ZBTB38: variants seen among roughly 807,000 people sequenced by gnomAD.
The protein encoded by ZBTB38 is zinc finger and BTB domain-containing protein 38.
Under a neutral mutation model 76.8 loss-of-function variants are expected in ZBTB38, and 20 were observed. That is an observed-to-expected ratio of 0.26 (90% confidence interval 0.18 to 0.38). The LOEUF (loss-of-function observed/expected upper bound fraction) is 0.38, where lower values mean the gene tolerates loss of function less well. ZBTB38 is among the 10% of genes least tolerant of loss of function. The pLI, the probability that ZBTB38 is intolerant of heterozygous loss-of-function variation, is 1.00. For synonymous variants in ZBTB38, 504 were observed against 544.2 expected, an observed-to-expected ratio of 0.93 and a Z score of 1.03; for missense variants, 1,082 against 1,482.3, an observed-to-expected ratio of 0.73 and a Z score of 4.43.
intron 1 of ZBTB38, among the ~76,000 whole-genome samples, chr3:141,342,700 A>G (rs1049794171): frequency 1.3e-5 from 2 of 148,848 alleles, no homozygotes; most frequent in African/African-American, 2.5e-5. Flanking sequence ...TAAAAAAACT[A>G]GAGAGGGCAA....
At chr3:141,378,836 C>T (rs1945785598) in intron 2 of ZBTB38, among the ~76,000 whole-genome samples, 1 of 152,216 alleles carries the variant, frequency 6.6e-6, no homozygotes, top group Non-Finnish European at 1.5e-5. Flanking sequence ...GAGACCATAA[C>T]TTCAAAGCTA....
At chr3:141,388,250 C>G (rs1947734375) in intron 4 of ZBTB38, 1 of 151,964 alleles carries the variant, frequency 6.6e-6, no homozygotes, top group Admixed American at 6.6e-5. Flanking sequence ...AGAGCGTAAA[C>G]AAGCTTAATA....
chr3:141,424,922 T>C (rs1049795529), intron 5 of ZBTB38, among the ~76,000 whole-genome samples: 2 of 152,252 alleles, frequency 1.3e-5, no homozygotes, highest in African/African-American at 4.8e-5. Flanking sequence ...TAATAGCTAA[T>C]GTTTATGAAG....
intron 5 of ZBTB38, among the ~76,000 whole-genome samples, chr3:141,407,223 G>C (rs1226387989): frequency 6.6e-6 from 1 of 152,210 alleles, no homozygotes; most frequent in African/African-American, 2.4e-5. Flanking sequence ...ACATGTGCGT[G>C]TCTGCGCATT....
intron 1 of ZBTB38, among the ~76,000 whole-genome samples, chr3:141,348,362 T>G (rs1943425013): frequency 2.6e-5 from 4 of 152,240 alleles, no homozygotes; most frequent in African/African-American, 7.2e-5. Context: ...AATAGTGCCA[T>G]GGAGGAATTA....
In ZBTB38 at chr3:141,446,185, A is replaced by G. The variant is rs986306321; in HGVS notation, c.*209A>G. The G allele has an allele frequency of 1.0e-5, 4 of 398,130 alleles. No homozygotes were observed. The highest frequency in any genetic ancestry group is 1.8e-5 in the Non-Finnish European group (4 of 228,414). 24.7% of individuals were successfully genotyped at this position (398,130 alleles called of 1,614,324 possible). On this transcript the variant is annotated 3_prime_UTR_variant, in exon 6 of 6. Transcript: ENST00000321464. ...TATGCAAAGTGCACAAAAACAAAAT[A>G]GCTGACTCCTCCAATATCCCAAGTT...
intron 4 of ZBTB38, among the ~76,000 whole-genome samples, chr3:141,401,517 G>T: frequency 6.6e-6 from 1 of 151,976 alleles, no homozygotes; most frequent in East Asian, 1.9e-4. Flanking sequence ...TTAAAACATG[G>T]TCAGGAACTG....
At position 141,445,293 on chromosome 3, in the gene ZBTB38, A is replaced by G; in HGVS notation, c.2905A>G (p.Lys969Glu). ...CGCCGTGGGGAAGGCTCCTCAGGAT[A>G]AACCCTTTGAGGAAGAAGAAACTAA... The part of the protein sequence containing the change: ...DCAVGKAPQD[K>E]PFEEEETKEM... Residue 969 changes from lysine (K) to glutamate (E), a missense_variant, in exon 6 of 6, where the codon AAA (lysine) becomes GAA (glutamate). This residue lies in a region of ZBTB38 where 471 missense variants were observed against 581.0 expected (regional missense o/e 0.81). Coordinates refer to ENST00000321464, the MANE Select transcript of ZBTB38 (RefSeq NM_001376113.1). The surrounding 1 kb of genome is among the most constrained non-coding windows in gnomAD (Gnocchi z 6.5). The G allele has an allele frequency of 3.1e-6, 5 of 1,614,206 alleles. No individual in the cohort carries two copies. The highest frequency in any genetic ancestry group is 4.2e-6 in the Non-Finnish European group (5 of 1,180,040).
At chr3:141,333,516 G>A (rs550874697) in intron 1 of ZBTB38, among the ~76,000 whole-genome samples, 32 of 152,272 alleles carry the variant, frequency 2.1e-4, no homozygotes, top group African/African-American at 7.7e-4. Context: ...TGGAGGCTCA[G>A]GTTGACCAGG....
intron 1 of ZBTB38, among the ~76,000 whole-genome samples, chr3:141,327,693 T>G (rs1942714710): frequency 6.6e-6 from 1 of 152,226 alleles, no homozygotes; most frequent in Non-Finnish European, 1.5e-5. Context: ...TTAATGATAC[T>G]ATATCTGTAT....
intron 5 of ZBTB38, among the ~76,000 whole-genome samples, chr3:141,411,414 G>C (rs750619622): frequency 6.6e-6 from 1 of 152,230 alleles, no homozygotes; most frequent in Non-Finnish European, 1.5e-5. Flanking sequence ...CAAGGTCTCT[G>C]TGCAGGTCTT....
Position 141,441,718 on chromosome 3 carries a change from A to G in ZBTB38, c.1-671A>G, listed in dbSNP as rs544976025. On this transcript the variant is annotated intron_variant, in intron 5 of 5. Transcript: ENST00000321464. ...ACTTAAGGAAAATTCATTTAAAAAA[A>G]TAGCCTGGGCAACATAGCGAAACCC... is the stretch of plus-strand genomic sequence containing the variant. Among the ~76,000 whole-genome samples, 4 of 152,270 alleles carry G rather than the reference A, an allele frequency of 2.6e-5. No individual in the cohort carries two copies. In the South Asian group the frequency reaches 8.3e-4, roughly 32 times the overall value.
chr3:141,409,872 C>T (rs1438581174), intron 5 of ZBTB38, among the ~76,000 whole-genome samples: 2 of 152,186 alleles, frequency 1.3e-5, no homozygotes, highest in African/African-American at 4.8e-5. Context: ...TTGTTGATTA[C>T]CCTCTGAGGC....
At chr3:141,418,462 C>T (rs1184459130) in intron 5 of ZBTB38, among the ~76,000 whole-genome samples, 2 of 152,214 alleles carry the variant, frequency 1.3e-5, no homozygotes, top group African/African-American at 4.8e-5. Context: ...AGGCTGCTTC[C>T]TCCAGAGCCC....
At chr3:141,431,341 A>AAAAATATATATATATATATATAT in intron 5 of ZBTB38, among the ~76,000 whole-genome samples, 1 of 103,296 alleles carries the variant, frequency 9.7e-6, no homozygotes, top group African/African-American at 6.0e-5. Context: ...AAAAAAAAAA[A>AAAAATATATATATATATATATAT]ATATATATAT....
intron 2 of ZBTB38, among the ~76,000 whole-genome samples, chr3:141,374,686 A>G (rs1453514698): frequency 1.3e-5 from 2 of 152,190 alleles, no homozygotes; most frequent in Non-Finnish European, 2.9e-5. Context: ...TTTTGCCCCC[A>G]TTTAACATTA....
intron 5 of ZBTB38, among the ~76,000 whole-genome samples, chr3:141,441,032 CAAA>C (rs202075469): frequency 2.3e-4 from 15 of 64,620 alleles, no homozygotes; most frequent in Admixed American, 7.1e-4. Flanking sequence ...GACTCAATCT[CAAA>C]AAAAAAAAAA....
At chr3:141,329,765 G>A (rs779092680) in intron 1 of ZBTB38, among the ~76,000 whole-genome samples, 11 of 151,866 alleles carry the variant, frequency 7.2e-5, no homozygotes, top group Non-Finnish European at 1.5e-4. Flanking sequence ...GCTTTTCATT[G>A]TACAGCTTTT....
In ZBTB38 at chr3:141,448,132, ATT is replaced by A. The variant is rs1291452365; in HGVS notation, c.*2159_*2160del. 1.3e-5 allele frequency: 2 copies of A among 152,612 alleles called. No individual in the cohort carries two copies. The highest frequency in any genetic ancestry group is 3.8e-4 in the East Asian group (2 of 5,204). 9.5% of individuals were successfully genotyped at this position (152,612 alleles called of 1,614,324 possible). On this transcript the variant is annotated 3_prime_UTR_variant, in exon 6 of 6. Coordinates refer to ENST00000321464, the MANE Select transcript of ZBTB38 (RefSeq NM_001376113.1). ...AAGACATTTACTGTATATTCTAGTCATTTTGATTTGAGTTAACCCCAAATATA... is the reference window on the plus strand; with the variant it reads ...AAGACATTTACTGTATATTCTAGTCATTGATTTGAGTTAACCCCAAATATA...
Sources: gnomAD v4.1 joint callset for allele counts (sites outside exome capture counted in the v4.1 genomes callset) on GRCh38, gnomAD v4.1.1 for gene constraint, gnomAD v4.1.1 regional missense constraint, Gnocchi (gnomAD v3.1) non-coding constraint, MANE v1.5 for transcripts, NCBI Gene and HGNC (gene_info 2026-07-23, HGNC 2026-07-21) for gene names.